The following SHANK2 variants were observed in gnomAD, a reference collection of about 807,000 sequenced individuals.
SHANK2 encodes the protein SH3 and multiple ankyrin repeat domains 2.
SHANK2 carries 43 observed loss-of-function variants against 133.7 expected under a neutral mutation model. The observed-to-expected ratio is 0.32, with a 90% CI of 0.25 to 0.41. The LOEUF is 0.41. SHANK2 is among the 10% of genes least tolerant of loss of function. The probability of loss-of-function intolerance (pLI) is 1.00; values close to 1 mark genes in which losing one functional copy is unlikely to be tolerated. For missense variants in SHANK2, 1,994 were observed against 2,235.8 expected (o/e 0.89, Z 2.18); for synonymous variants, 1,017 against 952.8 (o/e 1.07, Z -1.24).
At position 70,884,807 on chromosome 11, in the gene SHANK2, G is replaced by A. The variant is rs186195614; in HGVS notation, c.1174+11694C>T. Among the ~76,000 whole-genome samples, 200 of 152,248 alleles carry A rather than the reference G, an allele frequency of 1.3e-3. 1 individual carries two copies. Among genetic ancestry groups the A allele is most frequent in the African/African-American group, 3.6e-3 (149 of 41,552 alleles). On this transcript the variant is annotated intron_variant, in intron 11 of 25. Transcript: ENST00000601538. ...GCGATTTCGGCTCACTGCAACCTCC[G>A]CCTCCCAGGTTCAAGCGATTCTCCT...
intron 8 of SHANK2, among the ~76,000 whole-genome samples, chr11:71,091,591 T>C (rs1951520652): frequency 6.6e-6 from 1 of 152,060 alleles, no homozygotes; most frequent in Non-Finnish European, 1.5e-5. Flanking sequence ...CTATCAGCTC[T>C]CCCAGACCCA....
intron 11 of SHANK2, among the ~76,000 whole-genome samples, chr11:70,861,358 C>T (rs375620629): frequency 6.6e-6 from 1 of 152,122 alleles, no homozygotes; most frequent in East Asian, 1.9e-4. Flanking sequence ...GGCTCTGATG[C>T]CTCAAAAGTG....
rs1944899898 is a variant in SHANK2 at position 70,676,040 on chromosome 11, C to G, written c.1854-14362G>C. Among the ~76,000 whole-genome samples the G allele has an allele frequency of 6.6e-5, 10 of 152,364 alleles. No individual in the cohort carries two copies. The South Asian group carries it at 2.1e-3, about 32-fold the overall frequency. On this transcript the variant is annotated intron_variant, in intron 15 of 25. Transcript: ENST00000601538. Reference sequence around the variant, plus strand: ...TACTCCCACCTACAACACTCTATACCTGCTATCTCTATCAGTTGAACTCCT... The same window carrying G: ...TACTCCCACCTACAACACTCTATACGTGCTATCTCTATCAGTTGAACTCCT...
chr11:70,853,609 T>A lies in SHANK2; in HGVS notation c.1175-32927A>T, dbSNP rs996546555. Among the ~76,000 whole-genome samples the A allele has an allele frequency of 2.6e-5, 4 of 152,202 alleles. No individual in the cohort carries two copies. The East Asian group carries it at 5.8e-4, about 22-fold the overall frequency. On this transcript the variant is annotated intron_variant, in intron 11 of 25. Coordinates refer to ENST00000601538, the MANE Select transcript of SHANK2 (RefSeq NM_012309.5). ...ATGTGTGTAGGATGCTTCCTGGGCA[T>A]CTGCCTCCACTCTCAGTAACGGGAG...
At chr11:70,752,705 C>CAAAAAAAAAAA (rs530096112) in intron 14 of SHANK2, among the ~76,000 whole-genome samples, 4 of 103,828 alleles carry the variant, frequency 3.9e-5, no homozygotes, top group Admixed American at 1.0e-4. Flanking sequence ...GACTCCGTCT[C>CAAAAAAAAAAA]AAAAAAAAAA....
chr11:70,779,847 C>T lies in SHANK2; in HGVS notation c.1777+18596G>A, dbSNP rs551072836. Among the ~76,000 whole-genome samples the T allele has an allele frequency of 2.7e-3, 407 of 152,336 alleles. 4 individuals carry two copies. Among genetic ancestry groups the T allele is most frequent in the African/African-American group, 9.3e-3 (387 of 41,592 alleles). On this transcript the variant is annotated intron_variant, in intron 14 of 25. Transcript: ENST00000601538. ...TGTCCTTGGCAAGCCATCTTCCCTA[C>T]ACCCCTGACCCAGACCCGGCCAGTC...
chr11:70,686,744 G>C (rs1357755128), intron 15 of SHANK2, among the ~76,000 whole-genome samples: 1 of 152,184 alleles, frequency 6.6e-6, no homozygotes, highest in African/African-American at 2.4e-5. Context: ...AGCTCTACAA[G>C]TCAGGCACCA....
intron 2 of SHANK2, among the ~76,000 whole-genome samples, chr11:71,200,725 T>C (rs1290381277): frequency 8.5e-5 from 13 of 152,092 alleles, no homozygotes; most frequent in Admixed American, 8.5e-4. Flanking sequence ...TGCTGTCATT[T>C]TGTCTTCAAG....
intron 15 of SHANK2, 38 bp downstream of exon 15, chr11:70,698,650 G>A: frequency 1.4e-6 from 1 of 718,470 alleles, no homozygotes; most frequent in Non-Finnish European, 2.6e-6. Context: ...GAACAGCTTT[G>A]ACCAGAGGGT....
chr11:70,581,305 G>A (rs2060181830), intron 17 of SHANK2, among the ~76,000 whole-genome samples: 1 of 152,058 alleles, frequency 6.6e-6, no homozygotes, highest in Non-Finnish European at 1.5e-5. Context: ...TATCTGAATG[G>A]TATATTTTGT....
At chr11:70,760,063 C>T (rs1555039832) in intron 14 of SHANK2, among the ~76,000 whole-genome samples, 3 of 152,350 alleles carry the variant, frequency 2.0e-5, no homozygotes, top group African/African-American at 4.8e-5. Flanking sequence ...GCTTTACGTT[C>T]CTGCTTCACC....
intron 6 of SHANK2, among the ~76,000 whole-genome samples, chr11:71,104,222 G>A (rs1346217873): frequency 6.6e-6 from 1 of 152,168 alleles, no homozygotes; most frequent in Non-Finnish European, 1.5e-5. Context: ...GAGGATGGAA[G>A]CTGAGAGAGG....
At chr11:70,651,577 A>G (rs1360927914) in intron 17 of SHANK2, among the ~76,000 whole-genome samples, 1 of 152,204 alleles carries the variant, frequency 6.6e-6, no homozygotes, top group Non-Finnish European at 1.5e-5. Flanking sequence ...GAAGATCCCC[A>G]GTGCTATTAG....
intron 17 of SHANK2, among the ~76,000 whole-genome samples, chr11:70,608,934 A>G (rs2136370166): frequency 6.6e-6 from 1 of 152,396 alleles, no homozygotes; most frequent in East Asian, 1.9e-4. Context: ...ATGGAAACAC[A>G]AACCCATGCT....
rs562447387 is a variant in SHANK2, at chr11:70,861,044, C to T, written c.1174+35457G>A. On this transcript the variant is annotated intron_variant, in intron 11 of 25. Transcript: ENST00000601538. Reference sequence around the variant, plus strand: ...GGGGAGCAGCGCTGGCCTTTCCGGGCCCCCTTGTGGGAGGGAAGCATTCCG... The same window carrying T: ...GGGGAGCAGCGCTGGCCTTTCCGGGTCCCCTTGTGGGAGGGAAGCATTCCG... 2.6e-5 allele frequency among the ~76,000 whole-genome samples: 4 copies of T among 152,280 alleles called. No homozygotes were observed. In the South Asian group the frequency reaches 8.3e-4, roughly 32 times the overall value.
intron 11 of SHANK2, among the ~76,000 whole-genome samples, chr11:70,892,157 C>CCATCCAT (rs1949855239): frequency 1.3e-5 from 2 of 152,206 alleles, no homozygotes; most frequent in Non-Finnish European, 2.9e-5. Context: ...GTCCATCAGT[C>CCATCCAT]CATCCATTCT....
intron 9 of SHANK2, among the ~76,000 whole-genome samples, chr11:71,074,773 A>ATTTTTTTTTTTTTTTTTTTTT (rs36140840): frequency 1.1e-5 from 1 of 92,524 alleles, no homozygotes; most frequent in Non-Finnish European, 2.1e-5. Flanking sequence ...ACCTAAGCCA[A>ATTTTTTTTTTTTTTTTTTTTT]TTTTTTTTTT....
chr11:70,638,606 T>C (rs781810973), intron 17 of SHANK2, among the ~76,000 whole-genome samples: 21 of 152,236 alleles, frequency 1.4e-4, no homozygotes, highest in Non-Finnish European at 2.4e-4. Flanking sequence ...CCCTATTTTC[T>C]TTAGTCTGCT....
chr11:71,139,590 C>T (rs1252055548), intron 3 of SHANK2, among the ~76,000 whole-genome samples: 4 of 152,224 alleles, frequency 2.6e-5, no homozygotes, highest in Non-Finnish European at 5.9e-5. Flanking sequence ...CATTCACACT[C>T]CCCCAGAAAT....
Sources: gnomAD v4.1 joint callset for allele counts (sites outside exome capture counted in the v4.1 genomes callset) on GRCh38, gnomAD v4.1.1 for gene constraint, MANE v1.5 for transcripts, NCBI Gene and HGNC (gene_info 2026-07-23, HGNC 2026-07-21) for gene names.